TNRC6A: variants seen among roughly 807,000 people sequenced by gnomAD.
TNRC6A encodes the protein trinucleotide repeat-containing gene 6A protein.
TNRC6A carries 44 observed loss-of-function variants against 221.2 expected under a neutral mutation model. The observed-to-expected ratio is 0.20, with a 90% CI of 0.16 to 0.26. The LOEUF (loss-of-function observed/expected upper bound fraction) is 0.26, where lower values mean the gene tolerates loss of function less well. TNRC6A is among the 10% of genes least tolerant of loss of function. TNRC6A has a pLI of 1.00. For synonymous variants in TNRC6A, 847 were observed against 838.5 expected (o/e 1.01, Z -0.18); for missense variants, 2,199 against 2,404.4 (o/e 0.91, Z 1.79).
At chr16:24,675,467 A>G (rs1446287983) in intron 2 of TNRC6A, among the ~76,000 whole-genome samples, 1 of 151,676 alleles carries the variant, frequency 6.6e-6, no homozygotes, top group Non-Finnish European at 1.5e-5. Context: ...GATCACCTGA[A>G]GTCAGGAGTT....
intron 1 of TNRC6A, among the ~76,000 whole-genome samples, chr16:24,624,131 G>C (rs890239805): frequency 6.6e-6 from 1 of 152,008 alleles, no homozygotes; most frequent in Non-Finnish European, 1.5e-5. Context: ...GACAACTCGG[G>C]GTAAGTCCAC....
intron 4 of TNRC6A, among the ~76,000 whole-genome samples, chr16:24,760,946 T>C (rs2151517104): frequency 6.6e-6 from 1 of 152,340 alleles, no homozygotes; most frequent in African/African-American, 2.4e-5. Context: ...CTGCCTTGCA[T>C]TTAGTTGTCA....
chr16:24,617,634 GA>G (rs1209591256), intron 1 of TNRC6A, among the ~76,000 whole-genome samples: 4 of 152,114 alleles, frequency 2.6e-5, no homozygotes, highest in African/African-American at 9.7e-5. Context: ...ACAACCCCAG[GA>G]GGTAGGTATT....
At position 24,718,457 on chromosome 16, in the gene TNRC6A, G is replaced by C. The variant is rs185592285; in HGVS notation, n.403-32269G>C. Among the ~76,000 whole-genome samples, 6 of 152,254 alleles carry C rather than the reference G, an allele frequency of 3.9e-5. No homozygotes were observed. In the East Asian group the frequency reaches 9.7e-4, roughly 25 times the overall value. On this transcript the variant is annotated intron_variant and non_coding_transcript_variant, in intron 2 of 2. Transcript: ENST00000566108. Reference sequence around the variant, plus strand: ...AGGAGTTTGTTAGGTAGACATAATAGGAGAGGACTTCCATTCAGAGGAAAT... The same window carrying C: ...AGGAGTTTGTTAGGTAGACATAATACGAGAGGACTTCCATTCAGAGGAAAT...
At chr16:24,616,951 T>C (rs545990675) in intron 1 of TNRC6A, among the ~76,000 whole-genome samples, 2 of 149,320 alleles carry the variant, frequency 1.3e-5, no homozygotes, top group East Asian at 4.0e-4. Flanking sequence ...CTGCAATTGT[T>C]GGGTATAAAA....
chr16:24,781,948 G>A (rs531070801), intron 5 of TNRC6A, among the ~76,000 whole-genome samples: 8 of 151,302 alleles, frequency 5.3e-5, no homozygotes, highest in South Asian at 2.1e-4. Context: ...TCAGCCTCCC[G>A]AGTAGCTGGG....
intron 3 of TNRC6A, among the ~76,000 whole-genome samples, chr16:24,753,027 A>G (rs1052247831): frequency 2.0e-4 from 30 of 152,350 alleles, no homozygotes; most frequent in Admixed American, 1.4e-3. Context: ...ATATACAGCA[A>G]TGGCTCTAAT....
At chr16:24,780,133 A>G (rs1307879883) in intron 5 of TNRC6A, among the ~76,000 whole-genome samples, 1 of 152,178 alleles carries the variant, frequency 6.6e-6, no homozygotes, top group Admixed American at 6.5e-5. Context: ...AAAGTGTTCT[A>G]TCCTATTTTT....
chr16:24,647,097 T>C (rs539160482), intron 2 of TNRC6A, among the ~76,000 whole-genome samples: 271 of 151,974 alleles, frequency 1.8e-3, no homozygotes, highest in African/African-American at 6.3e-3. Context: ...CACTCAGCCA[T>C]TTTTTTCTAT....
intron 4 of TNRC6A, among the ~76,000 whole-genome samples, chr16:24,768,971 A>T (rs2057533633): frequency 6.6e-6 from 1 of 152,238 alleles, no homozygotes; most frequent in African/African-American, 2.4e-5. Context: ...TAGATAGTCA[A>T]AGTGAAGTTC....
chr16:24,643,709 C>T (rs943436146), intron 2 of TNRC6A, among the ~76,000 whole-genome samples: 22 of 151,978 alleles, frequency 1.4e-4, no homozygotes, highest in African/African-American at 4.8e-4. Context: ...CCTTCCACCA[C>T]CCCTCCCCGC....
At chr16:24,746,667 T>G (rs1469688579) in intron 2 of TNRC6A, among the ~76,000 whole-genome samples, 1 of 152,212 alleles carries the variant, frequency 6.6e-6, no homozygotes, top group Non-Finnish European at 1.5e-5. Context: ...ATTTAAAAAT[T>G]CATTGTGAAT....
At chr16:24,796,920 G>C (rs1045980189) in intron 9 of TNRC6A, among the ~76,000 whole-genome samples, 1 of 152,200 alleles carries the variant, frequency 6.6e-6, no homozygotes, top group African/African-American at 2.4e-5. Context: ...CAGCCGCAGA[G>C]AGCCAGCCCT....
chr16:24,689,379 G>T, intron 2 of TNRC6A, among the ~76,000 whole-genome samples: 1 of 152,304 alleles, frequency 6.6e-6, no homozygotes, highest in Non-Finnish European at 1.5e-5. Flanking sequence ...GCAGCAAGAG[G>T]ATGTCTGATA....
chr16:24,627,855 G>A (rs1296496738), intron 1 of TNRC6A, among the ~76,000 whole-genome samples: 1 of 151,106 alleles, frequency 6.6e-6, no homozygotes, highest in Non-Finnish European at 1.5e-5. Flanking sequence ...CTGCCCCCAT[G>A]CCCGGCTAAT....
At chr16:24,693,634 A>T (rs1466803711) in intron 2 of TNRC6A, among the ~76,000 whole-genome samples, 1 of 152,002 alleles carries the variant, frequency 6.6e-6, no homozygotes, top group Non-Finnish European at 1.5e-5. Context: ...GCATGGTGTC[A>T]TGCACCTGTC....
rs865827433 is a variant in TNRC6A, at chr16:24,816,923, C to T, written c.4939C>T (p.Arg1647Trp). The change falls in exon 20 of 25, where the codon CGG becomes TGG. Residue 1647 changes from arginine to tryptophan, a missense_variant. Physicochemically the swap from Arg to Trp is moderately radical, Grantham distance 101. This residue lies in a region of TNRC6A where 449 missense variants were observed against 579.7 expected (regional missense o/e 0.77). Coordinates refer to ENST00000395799, the MANE Select transcript of TNRC6A (RefSeq NM_014494.4). ...AAACAATCTTTCAATTAATACTGTG[C>T]GGGAAGTTGACCACCTCAGGGACAG... ...VINNLSINTV[R>W]EVDHLRDRNS... 22 of 1,613,770 alleles carry T rather than the reference C, an allele frequency of 1.4e-5. No homozygotes were observed. In the Admixed American group the frequency reaches 3.5e-4, roughly 26 times the overall value.
At chr16:24,678,310 CAAA>C (rs35383022) in intron 2 of TNRC6A, among the ~76,000 whole-genome samples, 8 of 84,608 alleles carry the variant, frequency 9.5e-5, no homozygotes, top group Admixed American at 2.7e-4. Flanking sequence ...GACCCTGTCT[CAAA>C]AAAAAAAAAA....
rs1044399344 is a variant in TNRC6A, at chr16:24,771,513, G to T, written c.164-5420G>T. Among the ~76,000 whole-genome samples the T allele has an allele frequency of 1.4e-3, 39 of 27,372 alleles. 1 individual carries two copies. Among genetic ancestry groups the T allele is most frequent in the Admixed American group, 0.011 (39 of 3,696 alleles). 18.0% of individuals were successfully genotyped at this position (27,372 alleles called of 152,430 possible). On this transcript the variant is annotated intron_variant, in intron 4 of 24. Transcript: ENST00000395799. ...CCCCCTGTAAAGTTATCTGAGCCTGGTGCATGTTATGTTATGTTATGTTAT... is the reference window on the plus strand; with the variant it reads ...CCCCCTGTAAAGTTATCTGAGCCTGTTGCATGTTATGTTATGTTATGTTAT...
Sources: gnomAD v4.1 joint callset for allele counts (sites outside exome capture counted in the v4.1 genomes callset) on GRCh38, gnomAD v4.1.1 for gene constraint, gnomAD v4.1.1 regional missense constraint, MANE v1.5 for transcripts, NCBI Gene and HGNC (gene_info 2026-07-23, HGNC 2026-07-21) for gene names.